ZNF503: variants seen among roughly 807,000 people sequenced by gnomAD.
ZNF503 encodes the protein NocA-like zinc finger 2.
ZNF503 carries 15 observed loss-of-function variants against 34.4 expected under a neutral mutation model. That is an observed-to-expected ratio of 0.44 (90% CI 0.29 to 0.67). The LOEUF (loss-of-function observed/expected upper bound fraction) is 0.67. ZNF503 is among the 30% of genes least tolerant of loss of function. ZNF503 has a pLI of 0.13. For missense variants in ZNF503, 1,007 were observed against 926.8 expected, an observed-to-expected ratio of 1.09 and a Z score of -1.12; for synonymous variants, 580 against 456.8, an observed-to-expected ratio of 1.27 and a Z score of -3.44.
At chr10:75,396,404 C>A (rs531121172), downstream of ZNF503, among the ~76,000 whole-genome samples, 8 of 152,302 alleles carry the variant, frequency 5.3e-5, no homozygotes, top group South Asian at 1.7e-3. The surrounding 1 kb of genome is among the most constrained non-coding windows in gnomAD (Gnocchi z 4.4). Context: ...CAGGAGGCGG[C>A]CCGCGCGCTT....
chr10:75,359,032 C>T, the ZNF503 span: 1 of 152,330 alleles, frequency 6.6e-6, no homozygotes, highest in African/African-American at 2.4e-5. Context: ...GGGAGGATTC[C>T]AAGTGAGGGC....
chr10:75,396,264 G>C (rs1843695777), downstream of ZNF503, among the ~76,000 whole-genome samples: 1 of 151,974 alleles, frequency 6.6e-6, no homozygotes, highest in Non-Finnish European at 1.5e-5. The surrounding 1 kb of genome is among the most constrained non-coding windows in gnomAD (Gnocchi z 4.4). Flanking sequence ...GGGCCGCGGC[G>C]TCCGAAGACG....
the ZNF503 span, among the ~76,000 whole-genome samples, chr10:75,314,971 T>C: frequency 6.6e-6 from 1 of 152,246 alleles, no homozygotes; most frequent in Non-Finnish European, 1.5e-5. Context: ...ACTGGTATAA[T>C]TAAGTATATA....
At chr10:75,325,897 C>T in the ZNF503 span, among the ~76,000 whole-genome samples, 1 of 150,586 alleles carries the variant, frequency 6.6e-6, no homozygotes, top group Admixed American at 6.6e-5. Context: ...CTCACTCTGT[C>T]ACCTGGGCTG....
At chr10:75,317,010 T>G in the ZNF503 span, among the ~76,000 whole-genome samples, 1 of 152,154 alleles carries the variant, frequency 6.6e-6, no homozygotes, top group Non-Finnish European at 1.5e-5. Context: ...AGCACAGTCA[T>G]AGCTCACTGC....
At chr10:75,374,527 T>C in the ZNF503 span, among the ~76,000 whole-genome samples, 1 of 152,000 alleles carries the variant, frequency 6.6e-6, no homozygotes, top group Non-Finnish European at 1.5e-5. Context: ...CACACTCTCC[T>C]CTCCTTCAAA....
the ZNF503 span, among the ~76,000 whole-genome samples, chr10:75,324,303 C>T: frequency 6.8e-6 from 1 of 146,714 alleles, no homozygotes; most frequent in East Asian, 2.0e-4. Flanking sequence ...GTGTATGATC[C>T]TTTTTTTTGT....
In ZNF503 at chr10:75,399,403, G is replaced by A. The variant is rs1357920626; in HGVS notation, c.1287C>T (p.Asp429=). ...CGCAGTGGTAGCTGAGGCAGTAAGGGTCCCGGCACAAACTGGCTGTCATCA... is the reference window on the plus strand; with the variant it reads ...CGCAGTGGTAGCTGAGGCAGTAAGGATCCCGGCACAAACTGGCTGTCATCA... ...PSVMTASLCR[D]PYCLSYHCAS... is the part of the protein sequence containing the mutation. The change falls in exon 2 of 2, where the codon GAC becomes GAT. Residue 429 remains aspartate (D), a synonymous_variant. Transcript: ENST00000372524. 6.2e-7 allele frequency: 1 copy of A among 1,605,322 alleles called. No individual in the cohort carries two copies. The highest frequency in any genetic ancestry group is 1.7e-5 in the Admixed American group (1 of 59,770).
the ZNF503 span, among the ~76,000 whole-genome samples, chr10:75,333,656 G>C: frequency 6.5e-3 from 98 of 15,012 alleles, no homozygotes; most frequent in South Asian, 8.8e-3. Flanking sequence ...ACCTCCCTCC[G>C]GGACGGCACG....
At chr10:75,374,572 AC>A in the ZNF503 span, among the ~76,000 whole-genome samples, 2 of 151,692 alleles carry the variant, frequency 1.3e-5, no homozygotes, top group African/African-American at 4.9e-5. Flanking sequence ...CTTTCCTGAC[AC>A]CCCTGCCCCA....
chr10:75,323,015 GTCTTGACTTAGAACAA>G, the ZNF503 span, among the ~76,000 whole-genome samples: 1 of 152,128 alleles, frequency 6.6e-6, no homozygotes, highest in Non-Finnish European at 1.5e-5. Flanking sequence ...TCCACCACCA[GTCTTGACTTAGAACAA>G]TCCATTACTC....
At chr10:75,380,325 CTA>C in the ZNF503 span, among the ~76,000 whole-genome samples, 1 of 152,292 alleles carries the variant, frequency 6.6e-6, no homozygotes, top group East Asian at 1.9e-4. Flanking sequence ...TATTCTCATC[CTA>C]TGTTACAGAT....
the ZNF503 span, among the ~76,000 whole-genome samples, chr10:75,329,027 G>C: frequency 6.6e-6 from 1 of 152,028 alleles, no homozygotes; most frequent in Admixed American, 6.5e-5. Context: ...GATTATAGGC[G>C]TGAGCCACCG....
the ZNF503 span, among the ~76,000 whole-genome samples, chr10:75,371,521 A>G: frequency 6.6e-6 from 1 of 152,124 alleles, no homozygotes; most frequent in South Asian, 2.1e-4. Flanking sequence ...ACGGCCTACC[A>G]TGGCTGCTCT....
the ZNF503 span, among the ~76,000 whole-genome samples, chr10:75,333,367 G>A: frequency 1.0e-4 from 4 of 38,840 alleles, no homozygotes; most frequent in Admixed American, 2.0e-4. Flanking sequence ...CCGGGCAGAG[G>A]CGCCCCTCAC....
the ZNF503 span, among the ~76,000 whole-genome samples, chr10:75,307,923 T>TA: frequency 2.1e-3 from 322 of 151,732 alleles, 3 homozygotes; most frequent in Middle Eastern, 6.8e-3. Flanking sequence ...TACAAAAAAA[T>TA]AAAAAAATGA....
At chr10:75,346,665 C>T in the ZNF503 span, among the ~76,000 whole-genome samples, 1 of 152,090 alleles carries the variant, frequency 6.6e-6, no homozygotes, top group Non-Finnish European at 1.5e-5. Context: ...TGGTCTCAAA[C>T]TCCTGAGCTC....
the ZNF503 span, among the ~76,000 whole-genome samples, chr10:75,344,203 G>A: frequency 6.6e-6 from 1 of 152,244 alleles, no homozygotes; most frequent in Non-Finnish European, 1.5e-5. Flanking sequence ...GGGCCACAGG[G>A]GCTCCTCTAT....
the ZNF503 span, among the ~76,000 whole-genome samples, chr10:75,323,726 C>T: frequency 6.6e-6 from 1 of 152,082 alleles, no homozygotes; most frequent in South Asian, 2.1e-4. Flanking sequence ...TGCGGCCAGG[C>T]ACGGTGGCTC....
Sources: gnomAD v4.1 joint callset for allele counts (sites outside exome capture counted in the v4.1 genomes callset) on GRCh38, gnomAD v4.1.1 for gene constraint, Gnocchi (gnomAD v3.1) non-coding constraint, MANE v1.5 for transcripts, NCBI Gene and HGNC (gene_info 2026-07-23, HGNC 2026-07-21) for gene names.